LIN28B: variants seen among roughly 807,000 people sequenced by gnomAD.
The protein encoded by LIN28B is lin-28 RNA binding posttranscriptional regulator B.
In LIN28B, 5 loss-of-function variants were observed where a neutral mutation model predicts 21.9. That is an observed-to-expected ratio of 0.23 (90% CI 0.12 to 0.48). The LOEUF (loss-of-function observed/expected upper bound fraction) is 0.48. Ranked by LOEUF, LIN28B falls within the 20% of genes least tolerant of loss-of-function variation. The pLI is 0.98. For missense variants in LIN28B, 245 were observed against 310.5 expected (o/e 0.79, Z 1.58); for synonymous variants, 109 against 111.3 (o/e 0.98, Z 0.13).
At chr6:104,983,791 G>T (rs1770275856) in intron 2 of LIN28B, among the ~76,000 whole-genome samples, 1 of 152,082 alleles carries the variant, frequency 6.6e-6, no homozygotes, top group African/African-American at 2.4e-5. Context: ...GGCCAGGCTG[G>T]TCTCAAACTC....
At chr6:105,007,275 A>T (rs1350707931) in intron 2 of LIN28B, among the ~76,000 whole-genome samples, 5 of 152,210 alleles carry the variant, frequency 3.3e-5, no homozygotes, top group Non-Finnish European at 5.9e-5. Context: ...TGAATTTATT[A>T]TTCAAAACAA....
At chr6:105,043,227 G>C (rs1771673285) in intron 3 of LIN28B, among the ~76,000 whole-genome samples, 1 of 151,074 alleles carries the variant, frequency 6.6e-6, no homozygotes, top group Non-Finnish European at 1.5e-5. Flanking sequence ...AGGAGTTCGA[G>C]ACCAGCCTGG....
At chr6:104,945,699 C>T (rs1778148160) in intron 2 of LIN28B, among the ~76,000 whole-genome samples, 1 of 152,026 alleles carries the variant, frequency 6.6e-6, no homozygotes, top group African/African-American at 2.4e-5. Flanking sequence ...AGCTCGATTA[C>T]ATAAAGTTAT....
At chr6:105,046,336 G>A (rs1346402595) in intron 3 of LIN28B, among the ~76,000 whole-genome samples, 1 of 152,166 alleles carries the variant, frequency 6.6e-6, no homozygotes, top group Non-Finnish European at 1.5e-5. Context: ...TCCCTACAAA[G>A]GACATGAACT....
chr6:104,948,362 G>C (rs1261794841), intron 2 of LIN28B, among the ~76,000 whole-genome samples: 1 of 152,166 alleles, frequency 6.6e-6, no homozygotes, highest in Non-Finnish European at 1.5e-5. Flanking sequence ...AGCTACTCGG[G>C]AGGCCGAGGC....
chr6:104,978,291 C>T (rs1770145952), intron 2 of LIN28B, among the ~76,000 whole-genome samples: 1 of 151,986 alleles, frequency 6.6e-6, no homozygotes, highest in African/African-American at 2.4e-5. Context: ...TTTTTAAGTC[C>T]AAAAAACATT....
At chr6:104,985,791 A>C (rs537553473) in intron 2 of LIN28B, among the ~76,000 whole-genome samples, 1 of 152,088 alleles carries the variant, frequency 6.6e-6, no homozygotes, top group Non-Finnish European at 1.5e-5. Context: ...ATTTACATCT[A>C]TGGTCCATAT....
At chr6:105,065,642 T>C (rs1021534419) in intron 3 of LIN28B, among the ~76,000 whole-genome samples, 1 of 152,280 alleles carries the variant, frequency 6.6e-6, no homozygotes, top group Admixed American at 6.5e-5. Context: ...AGCAAAATGG[T>C]TTTAATTCCT....
chr6:104,939,115 C>G (rs867938250), intron 2 of LIN28B, among the ~76,000 whole-genome samples: 2 of 152,138 alleles, frequency 1.3e-5, no homozygotes. Flanking sequence ...TAAAAAATTA[C>G]TATAATGCTT....
At chr6:104,989,284 A>G (rs1007075495) in intron 2 of LIN28B, among the ~76,000 whole-genome samples, 1 of 152,016 alleles carries the variant, frequency 6.6e-6, no homozygotes, top group Non-Finnish European at 1.5e-5. Flanking sequence ...CAGTGATGCA[A>G]TCTCGGCTTA....
intron 3 of LIN28B, among the ~76,000 whole-genome samples, chr6:105,065,388 G>A (rs1772202517): frequency 6.6e-6 from 1 of 152,232 alleles, no homozygotes; most frequent in South Asian, 2.1e-4. Flanking sequence ...GAGGTTATCT[G>A]AACATGGTAG....
At chr6:104,964,663 A>G (rs1261872993) in intron 2 of LIN28B, among the ~76,000 whole-genome samples, 1 of 152,216 alleles carries the variant, frequency 6.6e-6, no homozygotes, top group East Asian at 1.9e-4. Flanking sequence ...AGTTGATAAC[A>G]GTAATGTGTT....
chr6:105,029,612 G>A (rs1019058060), intron 3 of LIN28B, among the ~76,000 whole-genome samples: 3 of 152,116 alleles, frequency 2.0e-5, no homozygotes, highest in African/African-American at 4.8e-5. Context: ...CAAGAAAGAC[G>A]TATAAAATAG....
chr6:105,013,393 T>G (rs893158539), intron 2 of LIN28B, among the ~76,000 whole-genome samples: 5 of 152,122 alleles, frequency 3.3e-5, no homozygotes, highest in African/African-American at 1.2e-4. Flanking sequence ...TATGTATCTT[T>G]TTTTTTAAGT....
chr6:105,063,936 G>A (rs1772175410), intron 3 of LIN28B, among the ~76,000 whole-genome samples: 1 of 149,444 alleles, frequency 6.7e-6, no homozygotes, highest in Non-Finnish European at 1.5e-5. Context: ...ATCTTTTAGT[G>A]TAGTTGGAAA....
chr6:104,956,088 G>T (rs1198943335), upstream of LIN28B, among the ~76,000 whole-genome samples: 1 of 152,096 alleles, frequency 6.6e-6, no homozygotes, highest in Non-Finnish European at 1.5e-5. Flanking sequence ...AAGTCAATAT[G>T]ATATGAATTT....
intron 3 of LIN28B, among the ~76,000 whole-genome samples, chr6:105,047,351 T>G (rs1043382936): frequency 1.3e-5 from 2 of 152,014 alleles, no homozygotes; most frequent in Admixed American, 6.6e-5. Flanking sequence ...TATTTCTGAG[T>G]GCTCTGTTCT....
chr6:104,988,476 A>AC (rs1770393946), intron 2 of LIN28B, among the ~76,000 whole-genome samples: 1 of 150,044 alleles, frequency 6.7e-6, no homozygotes, highest in African/African-American at 2.5e-5. Context: ...GGAAGAGTCT[A>AC]CCAGTGCAGC....
rs548697078 is a variant in LIN28B at position 104,966,544 on chromosome 6, C to T, written c.198+8258C>T. Among the ~76,000 whole-genome samples, 4 of 151,516 alleles carry T rather than the reference C, an allele frequency of 2.6e-5. No individual in the cohort carries two copies. In the South Asian group the frequency reaches 8.4e-4, roughly 32 times the overall value. On this transcript the variant is annotated intron_variant, in intron 2 of 3. Transcript: ENST00000345080. ...TCATGGCTCACTGCAACCTCAAACT[C>T]CTGACTCAAGCAATTATCCCACCTG...
Sources: allele counts gnomAD v4.1 joint callset (sites outside exome capture counted in the v4.1 genomes callset), GRCh38; gene constraint gnomAD v4.1.1; transcripts MANE v1.5; gene names NCBI Gene and HGNC (gene_info 2026-07-23, HGNC 2026-07-21).